CHIA: variants seen among roughly 807,000 people sequenced by gnomAD.
CHIA encodes acidic mammalian chitinase.
CHIA carries 47 observed loss-of-function variants against 53.5 expected under a neutral mutation model. That is an observed-to-expected ratio of 0.88 (90% CI 0.70 to 1.12). The LOEUF is 1.12. Among genes scored for constraint, CHIA ranks in the 50% most tolerant of loss-of-function variants. The pLI, the probability that CHIA is intolerant of heterozygous loss-of-function variation, is 0.00. For synonymous variants in CHIA, 268 were observed against 222.2 expected (o/e 1.21, Z -1.83); for missense variants, 652 against 592.2 (o/e 1.10, Z -1.05).
chr1:111,316,146 G>T, intron 6 of CHIA: 1 of 243,420 alleles, frequency 4.1e-6, no homozygotes, highest in Non-Finnish European at 8.2e-6. Context: ...ATTAAGTGAG[G>T]ATGGGAATGG....
At chr1:111,310,242 C>G in intron 1 of CHIA, 158 bp from the exon 2 acceptor site, 5 of 835,092 alleles carry the variant, frequency 6.0e-6, no homozygotes, top group Non-Finnish European at 8.6e-6. Flanking sequence ...CTGTTAGGAG[C>G]CATGACATTG....
chr1:111,309,689 AG>A (rs1648504960), intron 1 of CHIA, among the ~76,000 whole-genome samples: 1 of 152,204 alleles, frequency 6.6e-6, no homozygotes, highest in Non-Finnish European at 1.5e-5. Context: ...TATGTTTGGA[AG>A]GGGTAGATTG....
intron 1 of CHIA, among the ~76,000 whole-genome samples, chr1:111,308,993 G>A (rs543728496): frequency 1.3e-5 from 2 of 152,286 alleles, no homozygotes; most frequent in East Asian, 3.9e-4. Flanking sequence ...CAATTGAAAT[G>A]TTCCCTGAAC....
intron 1 of CHIA, among the ~76,000 whole-genome samples, chr1:111,308,179 C>G (rs938692388): frequency 2.0e-5 from 3 of 152,146 alleles, no homozygotes; most frequent in Non-Finnish European, 4.4e-5. Flanking sequence ...AATGTTTAAT[C>G]TGTAGGTCAT....
chr1:111,312,226 GGGCCCAGTACC>G lies in CHIA; in HGVS notation c.97_107del (p.Gln33ArgfsTer8). The G allele has an allele frequency of 6.2e-7, 1 of 1,614,064 alleles. No individual in the cohort carries two copies. Among genetic ancestry groups the G allele is most frequent in the Non-Finnish European group, 8.5e-7 (1 of 1,179,978 alleles). On this transcript the variant is annotated frameshift_variant, in exon 4 of 12. Coordinates refer to ENST00000369740, the MANE Select transcript of CHIA (RefSeq NM_201653.4). LOFTEE classifies it high-confidence loss of function. ...CAGCTGACATGCTACTTCACCAACT[GGGCCCAGTACC>G]GGCCAGGCCTGGGGCGCTTCATGCC...
chr1:111,308,666 TCATA>T (rs1196105185), intron 1 of CHIA, among the ~76,000 whole-genome samples: 1 of 152,192 alleles, frequency 6.6e-6, no homozygotes, highest in Admixed American at 6.5e-5. Context: ...GGGTCTGGTG[TCATA>T]CAACAATATG....
At chr1:111,298,366 TA>T (rs891188269) in intron 1 of CHIA, among the ~76,000 whole-genome samples, 1 of 152,132 alleles carries the variant, frequency 6.6e-6, no homozygotes. Context: ...TCAGCAAATG[TA>T]AAAGAACAGA....
At chr1:111,296,072 C>T (rs4838902) in intron 1 of CHIA, among the ~76,000 whole-genome samples, 42,373 of 152,144 alleles carry the variant, frequency 0.28, 6,195 homozygotes, top group East Asian at 0.36. Flanking sequence ...TCAAACATGA[C>T]GGAGCCCATC....
Position 111,312,288 on chromosome 1 carries a change from AC to A in CHIA, c.157del (p.His53ThrfsTer2). 2 of 1,614,006 alleles carry A rather than the reference AC, an allele frequency of 1.2e-6. No homozygotes were observed. The highest frequency in any genetic ancestry group is 2.2e-5 in the South Asian group (2 of 91,070). On this transcript the variant is annotated frameshift_variant, in exon 4 of 12. Transcript: ENST00000369740. LOFTEE classifies it high-confidence loss of function. ...MPDNIDPCLC[T>X]HLIYAFAGRQ... Reference sequence around the variant, plus strand: ...TGACAACATCGACCCCTGCCTCTGTACCCACCTGATCTACGCCTTTGCTGGG... The same window carrying A: ...TGACAACATCGACCCCTGCCTCTGTACCACCTGATCTACGCCTTTGCTGGG...
chr1:111,300,307 C>A (rs1571270390), intron 1 of CHIA, among the ~76,000 whole-genome samples: 1 of 152,328 alleles, frequency 6.6e-6, no homozygotes, highest in African/African-American at 2.4e-5. Flanking sequence ...AAGCTGGAGG[C>A]ATCATGCTAC....
intron 1 of CHIA, among the ~76,000 whole-genome samples, chr1:111,300,223 A>G (rs1485944723): frequency 6.6e-6 from 1 of 152,204 alleles, no homozygotes; most frequent in Non-Finnish European, 1.5e-5. Flanking sequence ...CAGAATTGGA[A>G]AAAACTACTT....
intron 4 of CHIA, among the ~76,000 whole-genome samples, chr1:111,312,651 G>A (rs1041512714): frequency 7.9e-5 from 12 of 152,144 alleles, no homozygotes; most frequent in African/African-American, 2.4e-4. Flanking sequence ...TTTTTGTGGT[G>A]AGAACACTTA....
chr1:111,318,662 T>C lies in CHIA; in HGVS notation c.899T>C (p.Ile300Thr). The C allele has an allele frequency of 6.2e-7, 1 of 1,613,916 alleles. No individual in the cohort carries two copies. Among genetic ancestry groups the C allele is most frequent in the Non-Finnish European group, 8.5e-7 (1 of 1,179,892 alleles). ...PAGPYAKESG[I>T]WAYYEICTFL... ...GGGCCCTATGCCAAGGAGTCTGGGA[T>C]CTGGGCTTACTACGAGGTATGTAGA... Residue 300 changes from isoleucine (I) to threonine (T), a missense_variant, in exon 9 of 12, where the codon ATC (isoleucine) becomes ACC (threonine). Coordinates refer to ENST00000369740, the MANE Select transcript of CHIA (RefSeq NM_201653.4).
At chr1:111,319,092 T>C (rs2786161) in intron 9 of CHIA, 28 bp from the exon 10 acceptor site, 1 of 1,597,090 alleles carries the variant, frequency 6.3e-7, no homozygotes, top group Non-Finnish European at 8.5e-7. Flanking sequence ...TAACATTTAA[T>C]AGATTTGAAT....
At chr1:111,294,183 T>C (rs975722133) in intron 1 of CHIA, among the ~76,000 whole-genome samples, 30 of 152,216 alleles carry the variant, frequency 2.0e-4, no homozygotes, top group African/African-American at 7.2e-4. Context: ...CAATATTGAG[T>C]CTTCCAACTC....
intron 2 of CHIA, 107 bp from the exon 3 acceptor site, chr1:111,311,582 A>T: frequency 1.6e-6 from 2 of 1,263,352 alleles, no homozygotes; most frequent in Non-Finnish European, 2.3e-6. Flanking sequence ...AATCTCACTG[A>T]GGTTGTAACA....
chr1:111,299,814 T>C (rs1339002725), intron 1 of CHIA, among the ~76,000 whole-genome samples: 5 of 152,206 alleles, frequency 3.3e-5, no homozygotes, highest in Non-Finnish European at 5.9e-5. Context: ...AATGACATGA[T>C]TGTATATTTA....
chr1:111,306,830 A>G (rs1183169751), intron 1 of CHIA, among the ~76,000 whole-genome samples: 1 of 152,236 alleles, frequency 6.6e-6, no homozygotes, highest in Non-Finnish European at 1.5e-5. Flanking sequence ...AAAAACAGCC[A>G]ATAAATGTCA....
Position 111,319,164 on chromosome 1 carries a change from C to T in CHIA, c.960C>T (p.Ala320=). ...LKNGATQGWD[A]PQEVPYAYQG... is the part of the protein sequence containing the mutation. ...ATGGAGCCACTCAGGGATGGGATGC[C>T]CCTCAGGAAGTGCCTTATGCCTATC... Residue 320 remains alanine, a synonymous_variant, in exon 10 of 12, where the codon GCC becomes GCT. Transcript: ENST00000369740. 6.2e-7 allele frequency: 1 copy of T among 1,614,138 alleles called. No individual in the cohort carries two copies. Among genetic ancestry groups the T allele is most frequent in the Non-Finnish European group, 8.5e-7 (1 of 1,180,028 alleles).
Sources: gnomAD v4.1 joint callset for allele counts (sites outside exome capture counted in the v4.1 genomes callset) on GRCh38, gnomAD v4.1.1 for gene constraint, MANE v1.5 for transcripts, NCBI Gene and HGNC (gene_info 2026-07-23, HGNC 2026-07-21) for gene names.